The following SLC24A2 variants were observed in gnomAD, a reference collection of about 807,000 sequenced individuals.
The protein encoded by SLC24A2 is solute carrier family 24 member 2, also known as sodium/potassium/calcium exchanger 2.
A neutral mutation model predicts 62.0 loss-of-function variants in SLC24A2; 36 were observed. The ratio of observed to expected loss-of-function variants is 0.58; its 90% CI spans 0.44 to 0.77. SLC24A2 has a LOEUF of 0.77. Among genes scored for constraint, SLC24A2 ranks in the 30% least tolerant of loss-of-function variants. The pLI, the probability that SLC24A2 is intolerant of heterozygous loss-of-function variation, is 0.00. For synonymous variants in SLC24A2, 358 were observed against 294.0 expected (o/e 1.22, Z -2.23); for missense variants, 846 against 817.9 (o/e 1.03, Z -0.42).
chr9:19,555,224 G>T lies in SLC24A2; in HGVS notation c.1348-4956C>A, dbSNP rs549184079. 2.0e-4 allele frequency among the ~76,000 whole-genome samples: 31 copies of T among 152,240 alleles called. No homozygotes were observed. In the East Asian group the frequency reaches 5.2e-3, roughly 26 times the overall value. ...TATTTTGGGTTTTTAGTTCTTTACAGTGCAAGTTTATCCTAACTGATCTAG... is the reference window on the plus strand; with the variant it reads ...TATTTTGGGTTTTTAGTTCTTTACATTGCAAGTTTATCCTAACTGATCTAG... On this transcript the variant is annotated intron_variant, in intron 7 of 10. Coordinates refer to ENST00000341998, the MANE Select transcript of SLC24A2 (RefSeq NM_020344.4).
chr9:19,701,276 C>A (rs1391421396), intron 2 of SLC24A2, among the ~76,000 whole-genome samples: 1 of 152,216 alleles, frequency 6.6e-6, no homozygotes, highest in Non-Finnish European at 1.5e-5. Context: ...GTAGCGGAAT[C>A]CGCTAGTGCC....
At chr9:20,064,021 A>T in the SLC24A2 span, among the ~76,000 whole-genome samples, 1 of 152,234 alleles carries the variant, frequency 6.6e-6, no homozygotes, top group Non-Finnish European at 1.5e-5. Context: ...AGATTTGAAC[A>T]TAAGTATTCA....
intron 8 of SLC24A2, among the ~76,000 whole-genome samples, chr9:19,546,174 C>T (rs1399721688): frequency 6.6e-6 from 1 of 152,210 alleles, no homozygotes; most frequent in African/African-American, 2.4e-5. Flanking sequence ...AGTCAGTACA[C>T]ATGGGTGTCA....
intron 7 of SLC24A2, among the ~76,000 whole-genome samples, chr9:19,568,363 A>G (rs1835738474): frequency 6.6e-6 from 1 of 152,198 alleles, no homozygotes. Context: ...ATTCTGGCTC[A>G]GAAAGGACTC....
intron 7 of SLC24A2, among the ~76,000 whole-genome samples, chr9:19,555,537 T>C (rs1020961106): frequency 1.2e-4 from 19 of 152,344 alleles, no homozygotes; most frequent in South Asian, 6.2e-4. Context: ...TTTCCTCAGA[T>C]GTATTTTTGT....
At chr9:20,055,382 G>A in the SLC24A2 span, among the ~76,000 whole-genome samples, 1 of 152,138 alleles carries the variant, frequency 6.6e-6, no homozygotes, top group African/African-American at 2.4e-5. Context: ...TAAATATAGT[G>A]CTTAACTACT....
chr9:20,097,052 T>C, the SLC24A2 span, among the ~76,000 whole-genome samples: 2 of 152,208 alleles, frequency 1.3e-5, no homozygotes, highest in Non-Finnish European at 2.9e-5. Flanking sequence ...TGTAAATCAA[T>C]ATAATACATG....
chr9:19,641,024 C>T (rs771112180), intron 2 of SLC24A2, among the ~76,000 whole-genome samples: 4 of 152,118 alleles, frequency 2.6e-5, no homozygotes, highest in Non-Finnish European at 5.9e-5. Context: ...TGTAGTTTGG[C>T]GGGAGATCTA....
chr9:19,556,339 C>A (rs1168537811), intron 7 of SLC24A2, among the ~76,000 whole-genome samples: 2 of 152,158 alleles, frequency 1.3e-5, no homozygotes, highest in Non-Finnish European at 2.9e-5. Context: ...GAGGTTGCCT[C>A]AGAAGCCAGA....
the SLC24A2 span, among the ~76,000 whole-genome samples, chr9:20,235,202 G>A: frequency 6.6e-5 from 10 of 152,234 alleles, no homozygotes; most frequent in Admixed American, 4.6e-4. Flanking sequence ...CAGTCTGCCT[G>A]TTCTCAGATC....
At chr9:20,048,683 G>A in the SLC24A2 span, among the ~76,000 whole-genome samples, 9 of 151,822 alleles carry the variant, frequency 5.9e-5, no homozygotes, top group Admixed American at 6.6e-5. Context: ...GGGAAATACC[G>A]ATTCATTCAG....
At chr9:20,211,564 T>C in the SLC24A2 span, among the ~76,000 whole-genome samples, 11 of 152,174 alleles carry the variant, frequency 7.2e-5, no homozygotes, top group Non-Finnish European at 2.9e-5. Context: ...ACTTAGAGAC[T>C]TGGAGTATTG....
At chr9:19,651,928 T>C (rs1818813416) in intron 2 of SLC24A2, among the ~76,000 whole-genome samples, 1 of 152,200 alleles carries the variant, frequency 6.6e-6, no homozygotes, top group Non-Finnish European at 1.5e-5. Context: ...CCACACGGGT[T>C]TCCTCCCCTG....
chr9:19,553,711 T>A (rs1042483303), intron 7 of SLC24A2, among the ~76,000 whole-genome samples: 5 of 152,214 alleles, frequency 3.3e-5, no homozygotes, highest in Non-Finnish European at 7.3e-5. Flanking sequence ...CACCAACACC[T>A]GCAAGCAGTC....
At position 19,562,133 on chromosome 9, in the gene SLC24A2, A is replaced by T. The variant is rs539554718; in HGVS notation, c.1347+11218T>A. 3.3e-5 allele frequency among the ~76,000 whole-genome samples: 5 copies of T among 152,288 alleles called. No individual in the cohort carries two copies. The South Asian group carries it at 1.0e-3, about 32-fold the overall frequency. On this transcript the variant is annotated intron_variant, in intron 7 of 10. Coordinates refer to ENST00000341998, the MANE Select transcript of SLC24A2 (RefSeq NM_020344.4). ...TTATGGATGAGACTGATTTCTTTCCATATTGCTGTAGTAAATTGGTTTTTG... is the reference window on the plus strand; with the variant it reads ...TTATGGATGAGACTGATTTCTTTCCTTATTGCTGTAGTAAATTGGTTTTTG...
At chr9:20,060,705 A>C in the SLC24A2 span, among the ~76,000 whole-genome samples, 1 of 152,274 alleles carries the variant, frequency 6.6e-6, no homozygotes, top group South Asian at 2.1e-4. Flanking sequence ...ATTGTGAAAG[A>C]AAACTGTGCG....
chr9:19,828,901 T>C, the SLC24A2 span, among the ~76,000 whole-genome samples: 3 of 152,060 alleles, frequency 2.0e-5, no homozygotes, highest in East Asian at 3.9e-4. Flanking sequence ...AACATCCTAT[T>C]TGCAATCTAG....
At chr9:19,686,560 T>C (rs1258976750) in intron 2 of SLC24A2, among the ~76,000 whole-genome samples, 2 of 152,126 alleles carry the variant, frequency 1.3e-5, no homozygotes, top group Admixed American at 6.6e-5. Flanking sequence ...AATTTAATCA[T>C]GGGGCGGTTA....
At chr9:19,777,127 T>C (rs1564095121) in intron 2 of SLC24A2, among the ~76,000 whole-genome samples, 1 of 152,220 alleles carries the variant, frequency 6.6e-6, no homozygotes, top group Non-Finnish European at 1.5e-5. Flanking sequence ...CTAAAGTTAG[T>C]GATTCTCAGC....
Sources: gnomAD v4.1 joint callset for allele counts (sites outside exome capture counted in the v4.1 genomes callset) on GRCh38, gnomAD v4.1.1 for gene constraint, MANE v1.5 for transcripts, NCBI Gene and HGNC (gene_info 2026-07-23, HGNC 2026-07-21) for gene names.